BARD1: variants seen among roughly 807,000 people sequenced by gnomAD.
The protein encoded by BARD1 is BRCA1 associated RING domain 1.
A neutral mutation model predicts 77.0 loss-of-function variants in BARD1; 73 were observed. That is an observed-to-expected ratio of 0.95 (90% CI 0.79 to 1.15). The LOEUF is 1.15. Among genes scored for constraint, BARD1 ranks in the 50% most tolerant of loss-of-function variants. BARD1 has a pLI of 0.00. For missense variants in BARD1, 993 were observed against 938.8 expected (o/e 1.06, Z -0.75); for synonymous variants, 384 against 338.0 (o/e 1.14, Z -1.49).
intron 9 of BARD1, among the ~76,000 whole-genome samples, chr2:214,731,993 G>T (rs1160693529): frequency 1.3e-5 from 2 of 152,140 alleles, no homozygotes; most frequent in Non-Finnish European, 2.9e-5. Context: ...ACATAGTTTT[G>T]AATATCAAAC....
chr2:214,773,263 A>T (rs551329658), intron 4 of BARD1, among the ~76,000 whole-genome samples: 1 of 152,330 alleles, frequency 6.6e-6, no homozygotes, highest in African/African-American at 2.4e-5. Context: ...TCATAAAAAC[A>T]ATACAGAACG....
At chr2:214,768,242 G>C (rs920579544) in intron 5 of BARD1, among the ~76,000 whole-genome samples, 1 of 152,052 alleles carries the variant, frequency 6.6e-6, no homozygotes, top group Admixed American at 6.6e-5. Context: ...TATGTCTAAT[G>C]AACTATAAAC....
intron 6 of BARD1, among the ~76,000 whole-genome samples, chr2:214,759,317 T>A (rs549267715): frequency 1.3e-5 from 2 of 152,044 alleles, no homozygotes; most frequent in Non-Finnish European, 2.9e-5. Context: ...AAGAAGCACA[T>A]GTTATTCGCC....
intron 1 of BARD1, among the ~76,000 whole-genome samples, chr2:214,805,035 C>A: frequency 6.6e-6 from 1 of 152,128 alleles, no homozygotes; most frequent in East Asian, 1.9e-4. Flanking sequence ...GTGGCGCTCA[C>A]CTGTAATCCC....
Position 214,781,036 on chromosome 2 carries a change from AAG to A in BARD1, c.836_837del (p.Ser279PhefsTer5). The A allele has an allele frequency of 6.2e-7, 1 of 1,610,032 alleles. No individual in the cohort carries two copies. The highest frequency in any genetic ancestry group is 2.2e-5 in the East Asian group (1 of 44,820). On this transcript the variant is annotated frameshift_variant, in exon 4 of 11. Transcript: ENST00000260947. LOFTEE classifies it high-confidence loss of function. ...GACTCTATTTGCTCAGCCAATGGTA[AAG>A]AGACTTCAGTTAAACTTCCAAAACA... ...SECFGSLTEV[S>X]LPLAEQIESP...
intron 7 of BARD1, among the ~76,000 whole-genome samples, chr2:214,750,140 T>C (rs1693337849): frequency 6.6e-6 from 1 of 152,064 alleles, no homozygotes; most frequent in African/African-American, 2.4e-5. Context: ...AGTACTGGGA[T>C]CTGGTGAGTC....
chr2:214,726,693 GA>G lies in BARD1; in HGVS notation c.*1982del, dbSNP rs956000576. On this transcript the variant is annotated 3_prime_UTR_variant, in exon 11 of 11. Coordinates refer to ENST00000260947, the MANE Select transcript of BARD1 (RefSeq NM_000465.4). ...AAGAAGGAAGCTTGAATCTATGATT[GA>G]AAAATAAAAAATAATTACATGTATA... The G allele has an allele frequency of 4.4e-6, 1 of 227,628 alleles. No individual in the cohort carries two copies. Among genetic ancestry groups the G allele is most frequent in the African/African-American group, 2.3e-5 (1 of 44,426 alleles). 14.1% of individuals were successfully genotyped at this position (227,628 alleles called of 1,614,324 possible).
At chr2:214,729,710 CTAGCTTAT>C (rs1692265389) in intron 10 of BARD1, among the ~76,000 whole-genome samples, 1 of 152,122 alleles carries the variant, frequency 6.6e-6, no homozygotes, top group African/African-American at 2.4e-5. Flanking sequence ...TCCACAACTC[CTAGCTTAT>C]TTGAAATAGG....
At chr2:214,764,876 A>C (rs1307927470) in intron 6 of BARD1, among the ~76,000 whole-genome samples, 1 of 152,154 alleles carries the variant, frequency 6.6e-6, no homozygotes, top group East Asian at 1.9e-4. Flanking sequence ...AAAAAGTATG[A>C]AGACCAATAG....
At chr2:214,753,278 A>G (rs1264291830) in intron 6 of BARD1, among the ~76,000 whole-genome samples, 1 of 152,164 alleles carries the variant, frequency 6.6e-6, no homozygotes, top group African/African-American at 2.4e-5. Flanking sequence ...CTGAAATTAA[A>G]TATTGCCCAG....
At chr2:214,781,531 A>C (rs747370864) in intron 3 of BARD1, 22 bp from the exon 4 acceptor site, 36 of 1,591,972 alleles carry the variant, frequency 2.3e-5, no homozygotes, top group Non-Finnish European at 2.9e-5. Flanking sequence ...AAAGAAAAAG[A>C]AATCTGTTAC....
intron 2 of BARD1, among the ~76,000 whole-genome samples, chr2:214,796,623 G>C (rs949760583): frequency 3.3e-5 from 5 of 152,186 alleles, no homozygotes; most frequent in Non-Finnish European, 5.9e-5. Context: ...CTAGCCTACA[G>C]AACTAGAGAG....
At chr2:214,781,648 G>A (rs1392060929) in intron 3 of BARD1, 139 bp from the exon 4 acceptor site, 1 of 677,688 alleles carries the variant, frequency 1.5e-6, no homozygotes, top group Non-Finnish European at 2.5e-6. Flanking sequence ...CCTAGAGTGT[G>A]AACTCTTTGA....
At position 214,772,449 on chromosome 2, in the gene BARD1, G is replaced by A. The variant is rs374278427; in HGVS notation, c.1315-3137C>T. On this transcript the variant is annotated intron_variant, in intron 4 of 10. Coordinates refer to ENST00000260947, the MANE Select transcript of BARD1 (RefSeq NM_000465.4). The stretch of plus-strand genomic sequence containing the variant: ...CCCCATTCTAATTCTACATGGTAAT[G>A]CAAAAAAAAAATATTAAAGAAGCTT... 1.2e-3 allele frequency among the ~76,000 whole-genome samples: 176 copies of A among 150,744 alleles called. 2 individuals carry two copies. Among genetic ancestry groups the A allele is most frequent in the African/African-American group, 4.1e-3 (170 of 41,144 alleles).
intron 1 of BARD1, among the ~76,000 whole-genome samples, chr2:214,802,416 T>C (rs1029412183): frequency 6.6e-6 from 1 of 152,206 alleles, no homozygotes; most frequent in African/African-American, 2.4e-5. Flanking sequence ...GTATATTAAA[T>C]ATATTTTTGA....
At chr2:214,771,301 T>A (rs1694474176) in intron 4 of BARD1, among the ~76,000 whole-genome samples, 1 of 152,204 alleles carries the variant, frequency 6.6e-6, no homozygotes, top group Admixed American at 6.5e-5. Flanking sequence ...CGTGAGTGCT[T>A]CTTTAGTGAA....
chr2:214,740,649 T>C (rs1237741088), intron 9 of BARD1, among the ~76,000 whole-genome samples: 3 of 152,008 alleles, frequency 2.0e-5, no homozygotes, highest in Non-Finnish European at 4.4e-5. Flanking sequence ...AAATATGCAT[T>C]TTTTCCAGAG....
Position 214,747,492 on chromosome 2 carries a change from G to A in BARD1, c.1678-1638C>T, listed in dbSNP as rs529434249. ...CAACGATAGACTGGATTAAGAAAATGTGGCACATATATACCATGGAATACT... is the reference window on the plus strand; with the variant it reads ...CAACGATAGACTGGATTAAGAAAATATGGCACATATATACCATGGAATACT... On this transcript the variant is annotated intron_variant, in intron 7 of 10. Transcript: ENST00000260947. Among the ~76,000 whole-genome samples, 26 of 151,490 alleles carry A rather than the reference G, an allele frequency of 1.7e-4. No individual in the cohort carries two copies. In the South Asian group the frequency reaches 5.1e-3, roughly 29 times the overall value.
rs545073243 is a variant in BARD1 at position 214,779,625 on chromosome 2, T to C, written c.1314+935A>G. 5.3e-5 allele frequency among the ~76,000 whole-genome samples: 8 copies of C among 152,322 alleles called. No homozygotes were observed. In the South Asian group the frequency reaches 1.7e-3, roughly 32 times the overall value. On this transcript the variant is annotated intron_variant, in intron 4 of 10. Transcript: ENST00000260947. ...GAATCTTTGGACCACACTCAATGTC[T>C]ACTCCATGTTCTTCTCAAATGTTTT...
Sources: allele counts gnomAD v4.1 joint callset (sites outside exome capture counted in the v4.1 genomes callset), GRCh38; gene constraint gnomAD v4.1.1; transcripts MANE v1.5; gene names NCBI Gene and HGNC (gene_info 2026-07-23, HGNC 2026-07-21).